Variants in BCR observed in about 807,000 individuals in gnomAD.
BCR encodes the protein breakpoint cluster region protein.
Under a neutral mutation model 138.6 loss-of-function variants are expected in BCR, and 58 were observed. The ratio of observed to expected loss-of-function variants is 0.42; its 90% confidence interval spans 0.34 to 0.52. The LOEUF (loss-of-function observed/expected upper bound fraction) is 0.52, where lower values mean the gene tolerates loss of function less well. BCR is among the 20% of genes least tolerant of loss of function. The pLI is 0.06. For synonymous variants in BCR, 786 were observed against 730.1 expected (o/e 1.08, Z -1.23); for missense variants, 1,599 against 1,727.2 (o/e 0.93, Z 1.32).
chr22:23,299,720 T>C (rs1045222152), intron 16 of BCR, among the ~76,000 whole-genome samples: 4 of 147,190 alleles, frequency 2.7e-5, no homozygotes, highest in African/African-American at 1.0e-4. Context: ...ATATATATAG[T>C]AAAATATATA....
intron 4 of BCR, chr22:23,262,970 C>G: frequency 1.0e-6 from 1 of 977,598 alleles, no homozygotes; most frequent in Non-Finnish European, 1.3e-6. Context: ...GAGGCATCAT[C>G]AAAGGAGATG....
At chr22:23,262,571 G>A (rs1958161383) in intron 4 of BCR, among the ~76,000 whole-genome samples, 1 of 152,176 alleles carries the variant, frequency 6.6e-6, no homozygotes, top group Non-Finnish European at 1.5e-5. Flanking sequence ...CCGTTTCTCC[G>A]TGTGTGTGTC....
At chr22:23,211,891 G>A (rs879417226) in intron 1 of BCR, among the ~76,000 whole-genome samples, 3 of 152,058 alleles carry the variant, frequency 2.0e-5, no homozygotes, top group Non-Finnish European at 4.4e-5. Context: ...GTTCCTTCTT[G>A]AGCCTGGACC....
At chr22:23,292,687 A>G (rs753432393) in intron 15 of BCR, 49 bp downstream of exon 15, 1 of 1,498,434 alleles carries the variant, frequency 6.7e-7, no homozygotes, top group Non-Finnish European at 9.2e-7. Context: ...GGGGCACAGG[A>G]TATTTTCCAC....
intron 13 of BCR, chr22:23,289,828 T>G (rs1466261945): frequency 1.7e-6 from 1 of 590,106 alleles, no homozygotes; most frequent in East Asian, 2.8e-5. Context: ...TGGCTGCTGC[T>G]GGGTGGTTGA....
At chr22:23,231,685 A>T (rs538148183) in intron 1 of BCR, among the ~76,000 whole-genome samples, 2 of 152,286 alleles carry the variant, frequency 1.3e-5, no homozygotes, top group African/African-American at 4.8e-5. Flanking sequence ...TGGAGGAGGC[A>T]TGGAATCCTA....
intron 4 of BCR, 172 bp downstream of exon 4, chr22:23,261,712 G>A (rs1051181477): frequency 3.3e-5 from 18 of 551,178 alleles, no homozygotes; most frequent in African/African-American, 3.0e-4. Context: ...GATTACAGGC[G>A]TGAGCCGCCA....
intron 1 of BCR, among the ~76,000 whole-genome samples, chr22:23,214,864 GATCGATGCATGACATTAACTAC>G (rs1456588829): frequency 6.6e-6 from 1 of 152,122 alleles, no homozygotes; most frequent in Non-Finnish European, 1.5e-5. Flanking sequence ...TTAAGCATAC[GATCGATGCATGACATTAACTAC>G]ATTGATGGTG....
chr22:23,208,193 C>T (rs1471852079), intron 1 of BCR, among the ~76,000 whole-genome samples: 1 of 152,184 alleles, frequency 6.6e-6, no homozygotes, highest in Non-Finnish European at 1.5e-5. Context: ...CAATTGGGCC[C>T]TCTGGCATTT....
Position 23,292,575 on chromosome 22 carries a change from G to C in BCR, c.2817G>C (p.Gly939=), listed in dbSNP as rs775582964. ...GCACCCTGGAGGTGGATTCCTTTGG[G>C]TATTTTGTGAATAAAGCAAAGACGC... ...LYCTLEVDSF[G]YFVNKAKTRV... Residue 939 remains glycine (G), a synonymous_variant, in exon 15 of 23, where the codon GGG becomes GGC. Coordinates refer to ENST00000305877, the MANE Select transcript of BCR (RefSeq NM_004327.4). 1.2e-6 allele frequency: 2 copies of C among 1,613,612 alleles called. No individual in the cohort carries two copies. Among genetic ancestry groups the C allele is most frequent in the Admixed American group, 3.3e-5 (2 of 60,014 alleles).
At chr22:23,276,433 C>G (rs2073577318) in intron 8 of BCR, among the ~76,000 whole-genome samples, 1 of 150,794 alleles carries the variant, frequency 6.6e-6, no homozygotes, top group Non-Finnish European at 1.5e-5. Flanking sequence ...GGGCTGGTTG[C>G]TTCACAAAGG....
chr22:23,249,147 A>C (rs2073190986), intron 1 of BCR, among the ~76,000 whole-genome samples: 1 of 151,902 alleles, frequency 6.6e-6, no homozygotes, highest in Non-Finnish European at 1.5e-5. Context: ...TTAGCTGGGC[A>C]GGCCAGGCAC....
At chr22:23,293,292 G>T (rs1315016916) in intron 15 of BCR, among the ~76,000 whole-genome samples, 1 of 152,166 alleles carries the variant, frequency 6.6e-6, no homozygotes, top group Non-Finnish European at 1.5e-5. Context: ...GGCCAGCTGG[G>T]CCTGCAGAGA....
chr22:23,273,497 C>A, intron 7 of BCR, 137 bp from the exon 8 acceptor site: 1 of 1,202,792 alleles, frequency 8.3e-7, no homozygotes, highest in Non-Finnish European at 1.2e-6. Context: ...AAGCTGGGGC[C>A]CAAGTGAGAG....
At chr22:23,193,683 TC>T (rs1222557439) in intron 1 of BCR, among the ~76,000 whole-genome samples, 1 of 152,190 alleles carries the variant, frequency 6.6e-6, no homozygotes, top group African/African-American at 2.4e-5. Context: ...ATCTGCAAAT[TC>T]CCCTTTTGGG....
intron 8 of BCR, among the ~76,000 whole-genome samples, chr22:23,277,511 C>CCTGCTG (rs377227910): frequency 1.3e-5 from 2 of 151,918 alleles, no homozygotes; most frequent in African/African-American, 2.4e-5. Flanking sequence ...TACCCCATCC[C>CCTGCTG]CTGCTGCTGC....
chr22:23,263,067 G>A (rs986038354), intron 4 of BCR: 20 of 712,850 alleles, frequency 2.8e-5, no homozygotes, highest in East Asian at 1.2e-4. Flanking sequence ...GCGGGAGGGC[G>A]CCAGGCCGGG....
chr22:23,210,631 TG>T (rs1354754508), intron 1 of BCR, among the ~76,000 whole-genome samples: 1 of 152,192 alleles, frequency 6.6e-6, no homozygotes, highest in African/African-American at 2.4e-5. Context: ...CATTACCCCT[TG>T]TTCCTTGTAG....
intron 1 of BCR, among the ~76,000 whole-genome samples, chr22:23,194,049 G>T (rs2072447353): frequency 6.6e-6 from 1 of 152,236 alleles, no homozygotes. Context: ...GCCGCCGTCT[G>T]ACTGGTTGGA....
Sources: gnomAD v4.1 joint callset for allele counts (sites outside exome capture counted in the v4.1 genomes callset) on GRCh38, gnomAD v4.1.1 for gene constraint, MANE v1.5 for transcripts, NCBI Gene and HGNC (gene_info 2026-07-23, HGNC 2026-07-21) for gene names.